The following CHRM3 variants were observed in gnomAD, a reference collection of about 807,000 sequenced individuals.
CHRM3 encodes muscarinic acetylcholine receptor M3.
A neutral mutation model predicts 41.8 loss-of-function variants in CHRM3; 11 were observed. The ratio of observed to expected loss-of-function variants is 0.26; its 90% CI spans 0.17 to 0.44. The LOEUF (loss-of-function observed/expected upper bound fraction) is 0.44. Ranked by LOEUF, CHRM3 falls within the 20% of genes least tolerant of loss-of-function variation. The pLI is 1.00. For synonymous variants in CHRM3, 297 were observed against 301.4 expected (o/e 0.99, Z 0.15); for missense variants, 571 against 745.4 (o/e 0.77, Z 2.72).
chr1:239,904,477 A>G (rs909698906), intron 6 of CHRM3, among the ~76,000 whole-genome samples: 4 of 152,204 alleles, frequency 2.6e-5, no homozygotes. Flanking sequence ...ATGGAGAGAT[A>G]ACAAGGCAAA....
intron 1 of CHRM3, among the ~76,000 whole-genome samples, chr1:239,415,944 C>T (rs1661466841): frequency 1.3e-5 from 2 of 152,046 alleles, no homozygotes; most frequent in South Asian, 2.1e-4. Context: ...TTTTCTTACT[C>T]GGTAAAAATT....
chr1:239,762,924 T>C (rs1180890011), intron 5 of CHRM3, among the ~76,000 whole-genome samples: 1 of 152,212 alleles, frequency 6.6e-6, no homozygotes, highest in African/African-American at 2.4e-5. Context: ...TATAAGATGC[T>C]GTGTAAGAAT....
intron 5 of CHRM3, among the ~76,000 whole-genome samples, chr1:239,724,864 A>G (rs909628141): frequency 1.3e-5 from 2 of 151,798 alleles, no homozygotes; most frequent in Non-Finnish European, 2.9e-5. Context: ...CCATCTAAAT[A>G]TGGTCTTGAA....
rs79947073 is a variant in CHRM3 at position 239,440,618 on chromosome 1, A to G, written c.-520-52091A>G. 2.8e-3 allele frequency among the ~76,000 whole-genome samples: 427 copies of G among 152,294 alleles called. 2 individuals carry two copies. The highest frequency in any genetic ancestry group is 3.4e-3 in the Non-Finnish European group (229 of 68,022). On this transcript the variant is annotated intron_variant, in intron 1 of 6. Transcript: ENST00000676153. ...TACATTCAGGTGTTAAGTTGTTCCA[A>G]TTTGGAAGTTGGAGGACTATAAAGT...
At chr1:239,496,447 C>T (rs530664034) in intron 2 of CHRM3, among the ~76,000 whole-genome samples, 1 of 151,542 alleles carries the variant, frequency 6.6e-6, no homozygotes, top group East Asian at 1.9e-4. Context: ...TGTACAATAA[C>T]TGATATAATA....
intron 4 of CHRM3, among the ~76,000 whole-genome samples, chr1:239,648,984 ATCT>A (rs1415753603): frequency 6.6e-6 from 1 of 152,170 alleles, no homozygotes; most frequent in African/African-American, 2.4e-5. Flanking sequence ...ATACACACCC[ATCT>A]ATATGTGTGT....
At chr1:239,688,870 A>G (rs938254975) in intron 5 of CHRM3, among the ~76,000 whole-genome samples, 1 of 143,070 alleles carries the variant, frequency 7.0e-6, no homozygotes, top group African/African-American at 2.5e-5. Flanking sequence ...TTTATATATT[A>G]TATATTTATA....
chr1:239,595,329 G>A (rs776058513), intron 3 of CHRM3, among the ~76,000 whole-genome samples: 2 of 152,132 alleles, frequency 1.3e-5, no homozygotes, highest in African/African-American at 2.4e-5. Context: ...GTATCCTCAG[G>A]TGGTCCTGGA....
chr1:239,836,826 T>C (rs1356260929), intron 6 of CHRM3, among the ~76,000 whole-genome samples: 2 of 151,986 alleles, frequency 1.3e-5, no homozygotes, highest in Non-Finnish European at 2.9e-5. Flanking sequence ...AATACAAAAA[T>C]TAACTGGGCT....
chr1:239,407,254 C>T (rs1460323421), intron 1 of CHRM3, among the ~76,000 whole-genome samples: 1 of 152,104 alleles, frequency 6.6e-6, no homozygotes, highest in Non-Finnish European at 1.5e-5. Flanking sequence ...CTCTAAGTGG[C>T]ATGCGTCACT....
chr1:239,906,952 T>C (rs1572655616), intron 6 of CHRM3, among the ~76,000 whole-genome samples: 1 of 152,196 alleles, frequency 6.6e-6, no homozygotes, highest in East Asian at 1.9e-4. Context: ...CTCATTTTAG[T>C]AAGACTTAAA....
chr1:239,570,734 C>A (rs1472141769), intron 3 of CHRM3, among the ~76,000 whole-genome samples: 2 of 151,928 alleles, frequency 1.3e-5, no homozygotes, highest in Non-Finnish European at 2.9e-5. Context: ...ATAGTCTGCT[C>A]AAAAATGTGA....
intron 2 of CHRM3, among the ~76,000 whole-genome samples, chr1:239,523,339 T>C (rs1669780717): frequency 6.6e-6 from 1 of 152,172 alleles, no homozygotes; most frequent in African/African-American, 2.4e-5. Context: ...TTATATATTT[T>C]ATAAATTAAG....
Position 239,641,364 on chromosome 1 carries a change from G to T in CHRM3, c.-250+9078G>T, listed in dbSNP as rs1295049322. Among the ~76,000 whole-genome samples the T allele has an allele frequency of 3.3e-5, 5 of 150,656 alleles. No individual in the cohort carries two copies. The Middle Eastern group carries it at 0.01, about 307-fold the overall frequency. On this transcript the variant is annotated intron_variant, in intron 4 of 6. Transcript: ENST00000676153. Reference sequence around the variant, plus strand: ...TGATCTGTCTAATGTTGACAGTGGGGTGTTAAAGTCTCCCATTATTATTGT... The same window carrying T: ...TGATCTGTCTAATGTTGACAGTGGGTTGTTAAAGTCTCCCATTATTATTGT...
At chr1:239,635,412 G>A (rs1200800871) in intron 4 of CHRM3, among the ~76,000 whole-genome samples, 2 of 152,088 alleles carry the variant, frequency 1.3e-5, no homozygotes, top group Non-Finnish European at 2.9e-5. Context: ...TACACTCCAA[G>A]CCTCCCTGTC....
At chr1:239,703,066 C>A (rs1412870787) in intron 5 of CHRM3, 1 of 152,176 alleles carries the variant, frequency 6.6e-6, no homozygotes, top group Non-Finnish European at 1.5e-5. Flanking sequence ...GGCCCCCCAA[C>A]TTTAGGCTTT....
chr1:239,688,210 A>G (rs1396034499), intron 5 of CHRM3, among the ~76,000 whole-genome samples: 5 of 149,084 alleles, frequency 3.4e-5, no homozygotes, highest in Admixed American at 6.8e-5. Context: ...TGTATTATAT[A>G]TAAAACACAT....
chr1:239,674,967 A>G (rs1899612), intron 4 of CHRM3, among the ~76,000 whole-genome samples: 1,971 of 152,170 alleles, frequency 0.013, 55 homozygotes, highest in African/African-American at 0.046. Context: ...CTCTAATTTT[A>G]TCTACCTTCC....
At chr1:239,755,014 T>C (rs1265255244) in intron 5 of CHRM3, among the ~76,000 whole-genome samples, 1 of 152,222 alleles carries the variant, frequency 6.6e-6, no homozygotes, top group East Asian at 1.9e-4. Flanking sequence ...ATTAAGGGAC[T>C]TTCCTGTTTC....
Sources: gnomAD v4.1 joint callset for allele counts (sites outside exome capture counted in the v4.1 genomes callset) on GRCh38, gnomAD v4.1.1 for gene constraint, MANE v1.5 for transcripts, NCBI Gene and HGNC (gene_info 2026-07-23, HGNC 2026-07-21) for gene names.